Variants in DST observed in about 807,000 individuals in gnomAD.
DST encodes the protein dystonin.
In DST, 253 loss-of-function variants were observed where a neutral mutation model predicts 875.2. The observed-to-expected ratio is 0.29, with a 90% CI of 0.26 to 0.32. DST has a LOEUF of 0.32. Ranked by LOEUF, DST falls within the 10% of genes least tolerant of loss-of-function variation. DST has a pLI of 1.00. For synonymous variants in DST, 3,124 were observed against 3,197.1 expected (o/e 0.98, Z 0.77); for missense variants, 8,287 against 9,111.6 (o/e 0.91, Z 3.68).
chr6:56,780,015 G>A lies in DST; in HGVS notation c.626-44726C>T, dbSNP rs557002634. 4.9e-4 allele frequency among the ~76,000 whole-genome samples: 74 copies of A among 151,002 alleles called. 1 individual carries two copies. The East Asian group carries it at 9.7e-3, about 20-fold the overall frequency. On this transcript the variant is annotated intron_variant, in intron 4 of 103. Coordinates refer to ENST00000680361, the MANE Select transcript of DST (RefSeq NM_001374736.1). ...CTTGAGATAGTTTACTGAGAATGAT[G>A]ATTTCCAATTTCATCCATGTCCCTA... is the stretch of plus-strand genomic sequence containing the variant.
chr6:56,930,214 G>C (rs1562441065), intron 2 of DST, among the ~76,000 whole-genome samples: 3 of 152,318 alleles, frequency 2.0e-5, no homozygotes, highest in South Asian at 4.1e-4. Context: ...CCGTATCTTG[G>C]TTTTTCAGGG....
chr6:56,705,381 G>C (rs955609436), intron 5 of DST, among the ~76,000 whole-genome samples: 4 of 152,154 alleles, frequency 2.6e-5, no homozygotes, highest in Non-Finnish European at 5.9e-5. Flanking sequence ...AATGTCAAGT[G>C]AGTATATAGC....
intron 55 of DST, among the ~76,000 whole-genome samples, chr6:56,563,335 C>G (rs2097572311): frequency 6.6e-6 from 1 of 152,284 alleles, no homozygotes; most frequent in East Asian, 1.9e-4. Flanking sequence ...CTCTAATGAC[C>G]AGTGATGATG....
chr6:56,523,847 T>TG (rs2096749578), intron 69 of DST, among the ~76,000 whole-genome samples: 3 of 152,194 alleles, frequency 2.0e-5, no homozygotes, highest in Non-Finnish European at 4.4e-5. Flanking sequence ...GGCAGGGGTC[T>TG]GGGGAAAGAG....
chr6:56,857,278 A>T (rs774817872), intron 3 of DST, among the ~76,000 whole-genome samples: 1 of 152,190 alleles, frequency 6.6e-6, no homozygotes, highest in South Asian at 2.1e-4. Context: ...TTGGCATCTC[A>T]AAGTACTGGG....
At chr6:56,650,871 G>T in intron 12 of DST, 55 bp downstream of exon 12, 1 of 1,076,672 alleles carries the variant, frequency 9.3e-7, no homozygotes, top group Non-Finnish European at 1.4e-6. Context: ...AATAAATGCA[G>T]TCAATTGGTC....
At chr6:56,583,193 C>T (rs1350674344) in intron 49 of DST, among the ~76,000 whole-genome samples, 2 of 152,176 alleles carry the variant, frequency 1.3e-5, no homozygotes, top group African/African-American at 4.8e-5. Flanking sequence ...AATGGTTGAA[C>T]TAGTTTACAG....
At position 56,605,976 on chromosome 6, in the gene DST, A is replaced by C. The variant is rs748910637; in HGVS notation, c.8652T>G (p.Ser2884Arg). 2.5e-6 allele frequency: 4 copies of C among 1,612,578 alleles called. No homozygotes were observed. The highest frequency in any genetic ancestry group is 3.4e-6 in the Non-Finnish European group (4 of 1,179,302). ...TTTTTTCAGTAACTAAGTTATTTTC[A>C]CTAGGTGATGCTAGCTGTACAACAT... ...RVNVVQLASP[S>R]ENNLVTEKSN... Residue 2884 changes from serine to arginine, a missense_variant, in exon 40 of 104, where the codon AGT becomes AGG. Around this residue, in one of 10 missense-constraint regions of DST, gnomAD observed 3,138 missense variants for 3,116.6 expected, o/e 1.01. Coordinates refer to ENST00000680361, the MANE Select transcript of DST (RefSeq NM_001374736.1).
At chr6:56,515,361 G>T in intron 72 of DST, 89 bp downstream of exon 72, 1 of 1,412,208 alleles carries the variant, frequency 7.1e-7, no homozygotes, top group Non-Finnish European at 9.7e-7. Context: ...CCTTAATCAT[G>T]TAAGTGTTTA....
chr6:56,633,233 C>CTTTTTTTTTTTTTTT (rs61647189), intron 27 of DST, among the ~76,000 whole-genome samples, 196 bp from the exon 28 acceptor site: 22 of 138,718 alleles, frequency 1.6e-4, no homozygotes, highest in African/African-American at 4.9e-4. Flanking sequence ...GAGTTTCACT[C>CTTTTTTTTTTTTTTT]TTTTTTTTTT....
In DST at chr6:56,480,887, T is replaced by C. The variant is rs183735384; in HGVS notation, c.21531+1163A>G. On this transcript the variant is annotated intron_variant, in intron 90 of 103. Coordinates refer to ENST00000680361, the MANE Select transcript of DST (RefSeq NM_001374736.1). ...ACTCTGAGACCCAAACCTAAGTATG[T>C]TAATGGAACTCAATGCTGGCTGATG... Among the ~76,000 whole-genome samples the C allele has an allele frequency of 2.6e-5, 4 of 152,232 alleles. 1 individual carries two copies. Among genetic ancestry groups the C allele is most frequent in the Admixed American group, 2.0e-4 (3 of 15,278 alleles).
At chr6:56,537,096 C>T (rs1423502607) in intron 61 of DST, among the ~76,000 whole-genome samples, 156 bp from the exon 62 acceptor site, 1 of 152,186 alleles carries the variant, frequency 6.6e-6, no homozygotes, top group East Asian at 1.9e-4. Context: ...TAGCTACCTT[C>T]TGAAGAACAG....
chr6:56,479,576 C>A (rs2095331601), intron 90 of DST, among the ~76,000 whole-genome samples: 1 of 152,074 alleles, frequency 6.6e-6, no homozygotes, highest in South Asian at 2.1e-4. Flanking sequence ...TACATATATA[C>A]CATGGAATAC....
At chr6:56,635,432 T>A (rs1469669224) in intron 24 of DST, among the ~76,000 whole-genome samples, 157 bp downstream of exon 24, 1 of 152,194 alleles carries the variant, frequency 6.6e-6, no homozygotes, top group Non-Finnish European at 1.5e-5. Context: ...TCTGTTGTAT[T>A]TGTTGCCAAA....
rs754002684 is a variant in DST, at chr6:56,640,263, C to A, written c.2370G>T (p.Leu790Phe). The stretch of plus-strand genomic sequence containing the variant: ...GGGGTTTTCGGATCTGCATCAACTT[C>A]AAAGTTTGCAATGAATTTGGCTCTA... ...SGVEPNSLQTLKLMQIRKPLL... is the reference protein window; with the variant it reads ...SGVEPNSLQTFKLMQIRKPLL... The change falls in exon 18 of 104, where the codon TTG becomes TTT. Residue 790 changes from leucine to phenylalanine, a missense_variant. By Grantham distance (22) the Leu-to-Phe change is conservative (BLOSUM62 0). Coordinates refer to ENST00000680361, the MANE Select transcript of DST (RefSeq NM_001374736.1). 1.8e-5 allele frequency: 29 copies of A among 1,614,158 alleles called. No individual in the cohort carries two copies. In the South Asian group the frequency reaches 2.0e-4, roughly 11 times the overall value.
At chr6:56,545,520 CA>C (rs2097207668) in intron 61 of DST, among the ~76,000 whole-genome samples, 1 of 151,272 alleles carries the variant, frequency 6.6e-6, no homozygotes, top group South Asian at 2.1e-4. Flanking sequence ...GAATTATAAG[CA>C]AAACAGTAAT....
At position 56,471,977 on chromosome 6, in the gene DST, T is replaced by C. The variant is rs755727033; in HGVS notation, c.22158+82A>G. On this transcript the variant is annotated intron_variant, in intron 94 of 103. Coordinates refer to ENST00000680361, the MANE Select transcript of DST (RefSeq NM_001374736.1). ...GCTTATTATCAGAAAAGTTAAAAAA[T>C]ACCAAGATTTTGGCAATGGCAATGT... The C allele has an allele frequency of 1.2e-5, 17 of 1,441,730 alleles. No individual in the cohort carries two copies. In the South Asian group the frequency reaches 1.8e-4, roughly 16 times the overall value. The allele number at this position is 1,441,730 out of a possible 1,614,324, so 89.3% of individuals were successfully genotyped here. A position where few individuals can be genotyped will look rare whatever the true frequency, so the allele number is the denominator to read the frequency against.
At chr6:56,898,980 A>G in intron 3 of DST, among the ~76,000 whole-genome samples, 1 of 152,194 alleles carries the variant, frequency 6.6e-6, no homozygotes. Flanking sequence ...CAGATGGTAG[A>G]GGTACATGCT....
chr6:56,642,216 T>G (rs1213103864), intron 16 of DST, 115 bp from the exon 17 acceptor site: 2 of 973,970 alleles, frequency 2.1e-6, no homozygotes, highest in Non-Finnish European at 3.2e-6. Flanking sequence ...TAGTTTTCCT[T>G]GTTGGTTCAA....
Sources: gnomAD v4.1 joint callset for allele counts (sites outside exome capture counted in the v4.1 genomes callset) on GRCh38, gnomAD v4.1.1 for gene constraint, gnomAD v4.1.1 regional missense constraint, MANE v1.5 for transcripts, NCBI Gene and HGNC (gene_info 2026-07-23, HGNC 2026-07-21) for gene names.